Variants in UNC13C observed in about 807,000 individuals in gnomAD.
The protein encoded by UNC13C is unc-13 homolog C, also known as protein unc-13 homolog C.
A neutral mutation model predicts 245.4 loss-of-function variants in UNC13C; 174 were observed. The observed-to-expected ratio is 0.71, with a 90% CI of 0.63 to 0.80. UNC13C has a LOEUF of 0.80. UNC13C is among the 30% of genes least tolerant of loss of function. UNC13C has a pLI of 0.00. For missense variants in UNC13C, 2,829 were observed against 2,602.9 expected (o/e 1.09, Z -1.89); for synonymous variants, 992 against 895.1 (o/e 1.11, Z -1.93).
At chr15:54,354,111 T>A (rs948580051) in intron 17 of UNC13C, among the ~76,000 whole-genome samples, 1 of 152,018 alleles carries the variant, frequency 6.6e-6, no homozygotes, top group African/African-American at 2.4e-5. Context: ...GAGGCTCCCA[T>A]CAATTAGGAA....
chr15:54,177,749 T>C (rs1042096985), intron 4 of UNC13C, among the ~76,000 whole-genome samples: 1 of 152,160 alleles, frequency 6.6e-6, no homozygotes, highest in African/African-American at 2.4e-5. Flanking sequence ...AATATATAGC[T>C]ACTACTACCT....
chr15:54,278,965 A>G (rs2036906749), intron 10 of UNC13C, among the ~76,000 whole-genome samples: 2 of 152,154 alleles, frequency 1.3e-5, no homozygotes, highest in South Asian at 2.1e-4. Flanking sequence ...ATGTTTTATT[A>G]CACAAACTTT....
chr15:54,508,347 T>C (rs1175022908), intron 23 of UNC13C, among the ~76,000 whole-genome samples: 1 of 152,058 alleles, frequency 6.6e-6, no homozygotes, highest in Non-Finnish European at 1.5e-5. Context: ...TTCCTGCCAT[T>C]CAGAAAGGCA....
intron 2 of UNC13C, among the ~76,000 whole-genome samples, chr15:54,034,890 C>T (rs528316449): frequency 9.9e-5 from 15 of 152,264 alleles, no homozygotes; most frequent in South Asian, 2.1e-4. Flanking sequence ...AGAGAACCGA[C>T]GTAGAAATAA....
At chr15:53,963,537 A>G in the UNC13C span, among the ~76,000 whole-genome samples, 1 of 152,160 alleles carries the variant, frequency 6.6e-6, no homozygotes, top group Non-Finnish European at 1.5e-5. Flanking sequence ...TACACGTGTA[A>G]AGGATTTAGC....
chr15:53,976,810 G>C (rs1205401792), upstream of UNC13C: 1 of 152,114 alleles, frequency 6.6e-6, no homozygotes, highest in Non-Finnish European at 1.5e-5. Context: ...CACAGCTTCT[G>C]TACTTTGCAG....
At chr15:54,038,019 A>G (rs1468364221) in intron 2 of UNC13C, among the ~76,000 whole-genome samples, 1 of 146,008 alleles carries the variant, frequency 6.8e-6, no homozygotes, top group East Asian at 2.0e-4. Context: ...TATTTAATTT[A>G]TTACAGTTAC....
At chr15:54,172,703 GATATATATATATATATATAT>G (rs56316345) in intron 4 of UNC13C, among the ~76,000 whole-genome samples, 1,344 of 78,318 alleles carry the variant, frequency 0.017, 34 homozygotes, top group Middle Eastern at 0.053. Flanking sequence ...TACACACACA[GATATATATATATATATATAT>G]ATATATATAT....
chr15:54,117,678 A>G (rs1017328408), intron 2 of UNC13C, among the ~76,000 whole-genome samples: 2 of 152,002 alleles, frequency 1.3e-5, no homozygotes, highest in African/African-American at 4.8e-5. Flanking sequence ...ACCTCTGGGC[A>G]CAAGTGAGTC....
At chr15:54,095,198 A>G (rs1369380867) in intron 2 of UNC13C, among the ~76,000 whole-genome samples, 1 of 152,204 alleles carries the variant, frequency 6.6e-6, no homozygotes, top group East Asian at 1.9e-4. Flanking sequence ...TAGATTTCTC[A>G]GGCATCGTGC....
intron 26 of UNC13C, among the ~76,000 whole-genome samples, chr15:54,541,059 A>T (rs1333415700): frequency 6.6e-6 from 1 of 152,074 alleles, no homozygotes; most frequent in Non-Finnish European, 1.5e-5. Flanking sequence ...CCTGAAAAAC[A>T]GTTTTCAAAT....
chr15:54,626,677 C>T lies in UNC13C; in HGVS notation c.6360-151C>T, dbSNP rs1315011037. ...TCATTTTAACATTCGCTTTCTAAGC[C>T]AAATTTAAAGGGTTAAAATACACTG... On this transcript the variant is annotated intron_variant, in intron 32 of 32. Transcript: ENST00000260323. 8.1e-6 allele frequency: 6 copies of T among 744,640 alleles called. No individual in the cohort carries two copies. The East Asian group carries it at 8.2e-5, about 10-fold the overall frequency. The allele number at this position is 744,640 out of a possible 1,614,324, so 46.1% of individuals were successfully genotyped here.
At chr15:53,884,077 G>A in the UNC13C span, among the ~76,000 whole-genome samples, 1 of 150,436 alleles carries the variant, frequency 6.6e-6, no homozygotes. Context: ...GGGTGCCCAC[G>A]AGACCAGTTG....
At chr15:54,423,152 G>T (rs8025599) in intron 19 of UNC13C, among the ~76,000 whole-genome samples, 1 of 151,112 alleles carries the variant, frequency 6.6e-6, no homozygotes, top group African/African-American at 2.4e-5. Context: ...TATAATTTAT[G>T]TATATATATT....
the UNC13C span, among the ~76,000 whole-genome samples, chr15:53,920,293 G>T: frequency 6.6e-6 from 1 of 152,078 alleles, no homozygotes; most frequent in African/African-American, 2.4e-5. Context: ...GCAGAATTAG[G>T]CCAGGCAGGG....
intron 30 of UNC13C, among the ~76,000 whole-genome samples, chr15:54,591,421 G>A (rs574321131): frequency 2.0e-5 from 3 of 152,142 alleles, no homozygotes; most frequent in East Asian, 3.9e-4. Flanking sequence ...TCTGGTCCTG[G>A]ACTTTTTTTG....
chr15:54,475,008 C>T (rs1252667850), intron 19 of UNC13C, among the ~76,000 whole-genome samples: 1 of 151,952 alleles, frequency 6.6e-6, no homozygotes, highest in Non-Finnish European at 1.5e-5. Flanking sequence ...AGACATCCAT[C>T]CCCATGACTC....
rs75450632 is a variant in UNC13C, at chr15:54,326,930, A to G, written c.4425+4835A>G. ...TGGACATATTAAAAGTATTTACAAC[A>G]TGAAAGTTAGCAAATGCTAAAAATC... On this transcript the variant is annotated intron_variant, in intron 14 of 32. Transcript: ENST00000260323. Among the ~76,000 whole-genome samples the G allele has an allele frequency of 4.0e-3, 613 of 152,156 alleles. 25 individuals are homozygous for G. The East Asian group carries it at 0.087, about 22-fold the overall frequency.
At chr15:54,526,364 T>A (rs1895458492) in intron 25 of UNC13C, among the ~76,000 whole-genome samples, 1 of 152,174 alleles carries the variant, frequency 6.6e-6, no homozygotes, top group Non-Finnish European at 1.5e-5. Context: ...ATATAGAATT[T>A]GCTTTAAATA....
Sources: allele counts gnomAD v4.1 joint callset (sites outside exome capture counted in the v4.1 genomes callset), GRCh38; gene constraint gnomAD v4.1.1; transcripts MANE v1.5; gene names NCBI Gene and HGNC (gene_info 2026-07-23, HGNC 2026-07-21).